LAMA4: variants seen among roughly 807,000 people sequenced by gnomAD.
LAMA4 encodes laminin subunit alpha 4.
LAMA4 carries 127 observed loss-of-function variants against 207.1 expected under a neutral mutation model. The ratio of observed to expected loss-of-function variants is 0.61; its 90% CI spans 0.53 to 0.71. LAMA4 has a LOEUF of 0.71. Among genes scored for constraint, LAMA4 ranks in the 30% least tolerant of loss-of-function variants. The pLI is 0.00. For synonymous variants in LAMA4, 761 were observed against 816.0 expected (o/e 0.93, Z 1.15); for missense variants, 2,093 against 2,246.5 (o/e 0.93, Z 1.38).
At chr6:112,201,545 G>C in intron 5 of LAMA4, 63 bp downstream of exon 5, 1 of 1,287,798 alleles carries the variant, frequency 7.8e-7, no homozygotes, top group Non-Finnish European at 1.1e-6. Flanking sequence ...CAGAGCTGTT[G>C]AGTGTGAGAA....
At chr6:112,209,217 C>T (rs374307740) in intron 3 of LAMA4, among the ~76,000 whole-genome samples, 66 of 152,258 alleles carry the variant, frequency 4.3e-4, no homozygotes, top group African/African-American at 1.4e-3. Flanking sequence ...TCTTGCTGGA[C>T]GGATGAAGCC....
chr6:112,168,345 CTTT>C (rs34395210), intron 12 of LAMA4, among the ~76,000 whole-genome samples: 3 of 129,310 alleles, frequency 2.3e-5, no homozygotes, highest in Admixed American at 1.6e-4. Flanking sequence ...AGCTAGTGTT[CTTT>C]TTTTTTTTTT....
intron 2 of LAMA4, among the ~76,000 whole-genome samples, chr6:112,248,284 A>G (rs190548504): frequency 2.0e-4 from 30 of 152,144 alleles, no homozygotes; most frequent in Middle Eastern, 3.4e-3. Flanking sequence ...GCAGATCACA[A>G]GGTCAGGAGA....
intron 9 of LAMA4, among the ~76,000 whole-genome samples, chr6:112,180,644 G>A (rs1554345099): frequency 6.6e-6 from 1 of 152,200 alleles, no homozygotes; most frequent in African/African-American, 2.4e-5. Flanking sequence ...TGGCAAGGAT[G>A]TCTTGGTAAT....
intron 6 of LAMA4, among the ~76,000 whole-genome samples, chr6:112,190,432 A>G (rs1248862236): frequency 2.6e-5 from 4 of 151,916 alleles, no homozygotes; most frequent in African/African-American, 9.7e-5. Flanking sequence ...AAAACTCCTT[A>G]CTCCTTGAAT....
intron 33 of LAMA4, among the ~76,000 whole-genome samples, chr6:112,119,883 T>A (rs1778248790): frequency 6.6e-6 from 1 of 152,214 alleles, no homozygotes; most frequent in Non-Finnish European, 1.5e-5. Context: ...TTTCTTTCAA[T>A]ATTTATCTGC....
chr6:112,130,072 C>T, intron 29 of LAMA4, 32 bp from the exon 30 acceptor site: 1 of 1,597,452 alleles, frequency 6.3e-7, no homozygotes, highest in South Asian at 1.1e-5. Context: ...TTACATACCA[C>T]AGAGCTAGCA....
rs781953436 is a variant in LAMA4 at position 112,254,062 on chromosome 6, T to C, written c.89A>G (p.Asn30Ser). 1 of 1,608,710 alleles carries C rather than the reference T, an allele frequency of 6.2e-7. No individual in the cohort carries two copies. Among genetic ancestry groups the C allele is most frequent in the African/African-American group, 1.3e-5 (1 of 75,014 alleles). Residue 30 changes from asparagine (N) to serine (S), a missense_variant, in exon 2 of 39, where the codon AAC becomes AGC. Asn to Ser is a conservative substitution (Grantham distance 46). Coordinates refer to ENST00000230538, the MANE Select transcript of LAMA4 (RefSeq NM_001105206.3). Reference protein sequence around the residue: ...ACSRAASGDDNAFPFDIEGSS... With the variant: ...ACSRAASGDDSAFPFDIEGSS... ...CCCTTCAATGTCAAAAGGAAAAGCG[T>C]TGTCGTCCCCGGACGCGGCGCGGGA...
rs562612029 is a variant in LAMA4 at position 112,153,291 on chromosome 6, C to A, written c.2056+1560G>T. 9.2e-5 allele frequency among the ~76,000 whole-genome samples: 14 copies of A among 152,198 alleles called. No homozygotes were observed. The South Asian group carries it at 2.9e-3, about 32-fold the overall frequency. On this transcript the variant is annotated intron_variant, in intron 16 of 38. Transcript: ENST00000230538. ...GGTTTAATTTGAAAACCTGAATGTA[C>A]ATCACAAATGTGTGTATTATCAAAG...
chr6:112,249,979 T>C (rs1787316556), intron 2 of LAMA4, among the ~76,000 whole-genome samples: 1 of 152,232 alleles, frequency 6.6e-6, no homozygotes, highest in African/African-American at 2.4e-5. Flanking sequence ...CTTATTTTTT[T>C]TCTCTCTTCA....
Position 112,109,282 on chromosome 6 carries a change from A to G in LAMA4, c.*155T>C. 1.2e-6 allele frequency: 1 copy of G among 822,116 alleles called. No homozygotes were observed. The highest frequency in any genetic ancestry group is 2.0e-6 in the Non-Finnish European group (1 of 512,596). The allele number at this position is 822,116 out of a possible 1,614,324, so 50.9% of individuals were successfully genotyped here. A position where few individuals can be genotyped will look rare whatever the true frequency, so the allele number is the denominator to read the frequency against. ...TCAAGGTTAAGAATCCAAATGAGAA[A>G]TAAGAAATATCCGGTCCCTGATGAT... On this transcript the variant is annotated 3_prime_UTR_variant, in exon 39 of 39. Transcript: ENST00000230538.
intron 17 of LAMA4, among the ~76,000 whole-genome samples, chr6:112,149,287 C>T (rs2114745134): frequency 6.6e-6 from 1 of 152,178 alleles, no homozygotes; most frequent in South Asian, 2.1e-4. Flanking sequence ...CCTTCATGAA[C>T]CTCAGGGTTC....
At chr6:112,225,931 T>G (rs1785184098) in intron 2 of LAMA4, among the ~76,000 whole-genome samples, 1 of 152,290 alleles carries the variant, frequency 6.6e-6, no homozygotes, top group African/African-American at 2.4e-5. Flanking sequence ...TTATTGTTGT[T>G]TTTAAATTCT....
chr6:112,120,563 A>G, intron 32 of LAMA4, 91 bp from the exon 33 acceptor site: 1 of 986,284 alleles, frequency 1.0e-6, no homozygotes, highest in South Asian at 1.4e-5. Flanking sequence ...AAGGAAGAAT[A>G]AACAAGTAGC....
chr6:112,189,626 T>C (rs1196778523), intron 6 of LAMA4, among the ~76,000 whole-genome samples: 3 of 152,168 alleles, frequency 2.0e-5, no homozygotes, highest in Non-Finnish European at 4.4e-5. Flanking sequence ...CGGGGGTTGA[T>C]CATTGCCAGG....
At chr6:112,219,953 A>G (rs1554359993) in intron 2 of LAMA4, among the ~76,000 whole-genome samples, 1 of 152,196 alleles carries the variant, frequency 6.6e-6, no homozygotes, top group African/African-American at 2.4e-5. Context: ...CTTGCGTGCC[A>G]TTAATATATT....
At chr6:112,151,303 G>A (rs1554335715) in intron 16 of LAMA4, among the ~76,000 whole-genome samples, 1 of 152,096 alleles carries the variant, frequency 6.6e-6, no homozygotes, top group Non-Finnish European at 1.5e-5. Flanking sequence ...ACTATATAGA[G>A]CTATAATACA....
chr6:112,133,232 G>A, intron 27 of LAMA4, 117 bp downstream of exon 27: 1 of 1,079,618 alleles, frequency 9.3e-7, no homozygotes, highest in Non-Finnish European at 1.4e-6. Flanking sequence ...TCTGGTGGTG[G>A]CAGAAAGGAA....
At chr6:112,249,441 C>CAAAAAAA (rs71762704) in intron 2 of LAMA4, among the ~76,000 whole-genome samples, 1 of 52,758 alleles carries the variant, frequency 1.9e-5, no homozygotes, top group Non-Finnish European at 3.9e-5. Flanking sequence ...GACTCTGTTT[C>CAAAAAAA]AAAAAAAAAA....
Sources: gnomAD v4.1 joint callset for allele counts (sites outside exome capture counted in the v4.1 genomes callset) on GRCh38, gnomAD v4.1.1 for gene constraint, MANE v1.5 for transcripts, NCBI Gene and HGNC (gene_info 2026-07-23, HGNC 2026-07-21) for gene names.